Variants in SYT9 observed in about 807,000 individuals in gnomAD.
The protein encoded by SYT9 is synaptotagmin-9.
Under a neutral mutation model 48.4 loss-of-function variants are expected in SYT9, and 22 were observed. The ratio of observed to expected loss-of-function variants is 0.45; its 90% CI spans 0.32 to 0.65. SYT9 has a LOEUF of 0.65. Among genes scored for constraint, SYT9 ranks in the 30% least tolerant of loss-of-function variants. The pLI is 0.03. For synonymous variants in SYT9, 265 were observed against 245.0 expected, an observed-to-expected ratio of 1.08 and a Z score of -0.76; for missense variants, 577 against 622.0, an observed-to-expected ratio of 0.93 and a Z score of 0.77.
chr11:7,407,546 A>G (rs1385111660), intron 3 of SYT9, among the ~76,000 whole-genome samples: 1 of 95,640 alleles, frequency 1.0e-5, no homozygotes, highest in Non-Finnish European at 1.9e-5. Context: ...GCGCCCGGCT[A>G]ATTTTTTGTA....
intron 6 of SYT9, among the ~76,000 whole-genome samples, chr11:7,442,864 T>G (rs889884292): frequency 2.0e-5 from 3 of 150,164 alleles, no homozygotes; most frequent in Admixed American, 2.0e-4. Context: ...AAAAAAAAAG[T>G]ATTTAGGGGC....
intron 3 of SYT9, among the ~76,000 whole-genome samples, chr11:7,340,622 A>G (rs1849696244): frequency 6.6e-6 from 1 of 152,192 alleles, no homozygotes; most frequent in Non-Finnish European, 1.5e-5. Flanking sequence ...ATGGAGAACA[A>G]TCCAGTCACT....
chr11:7,423,597 C>T (rs1847396513), intron 6 of SYT9, among the ~76,000 whole-genome samples: 1 of 152,212 alleles, frequency 6.6e-6, no homozygotes, highest in South Asian at 2.1e-4. Context: ...ATATAATAAA[C>T]ACTCAGTAAA....
intron 3 of SYT9, among the ~76,000 whole-genome samples, chr11:7,412,031 C>A (rs758447333): frequency 7.2e-5 from 11 of 152,046 alleles, no homozygotes; most frequent in Non-Finnish European, 1.3e-4. Flanking sequence ...ATGAATTCTT[C>A]AGTTCCGGAA....
At chr11:7,385,371 C>CGTGT (rs376820147) in intron 3 of SYT9, among the ~76,000 whole-genome samples, 1 of 144,022 alleles carries the variant, frequency 6.9e-6, no homozygotes, top group Non-Finnish European at 1.5e-5. Context: ...TGTGTGTGTG[C>CGTGT]GTGTGTGTCC....
chr11:7,461,069 G>T (rs1228248081), intron 6 of SYT9, among the ~76,000 whole-genome samples: 1 of 152,008 alleles, frequency 6.6e-6, no homozygotes, highest in African/African-American at 2.4e-5. Flanking sequence ...TTGCTGTACT[G>T]TCAGTGGGAG....
intron 1 of SYT9, among the ~76,000 whole-genome samples, chr11:7,301,622 G>A (rs934821821): frequency 2.6e-5 from 4 of 152,170 alleles, no homozygotes; most frequent in East Asian, 1.9e-4. Context: ...AAGACATGGC[G>A]TGCGCCTATC....
At chr11:7,432,625 A>T (rs1847627620) in intron 6 of SYT9, among the ~76,000 whole-genome samples, 1 of 55,098 alleles carries the variant, frequency 1.8e-5, no homozygotes, top group Non-Finnish European at 3.8e-5. Flanking sequence ...ATATATATAT[A>T]TATATATATA....
At chr11:7,262,148 G>A (rs1601803) in intron 1 of SYT9, among the ~76,000 whole-genome samples, 2,088 of 152,222 alleles carry the variant, frequency 0.014, 50 homozygotes, top group African/African-American at 0.048. Flanking sequence ...GCTGGAAGGT[G>A]GAGATGACAA....
chr11:7,446,746 C>A (rs1019474129), intron 6 of SYT9, among the ~76,000 whole-genome samples: 2 of 152,340 alleles, frequency 1.3e-5, no homozygotes, highest in Admixed American at 6.5e-5. Context: ...CCAATACCCT[C>A]ATTTCTCCTT....
chr11:7,297,352 T>C (rs1290394572), intron 1 of SYT9, among the ~76,000 whole-genome samples: 3 of 152,224 alleles, frequency 2.0e-5, no homozygotes. Flanking sequence ...TATCAATTCA[T>C]AGTCAATGTT....
intron 3 of SYT9, among the ~76,000 whole-genome samples, chr11:7,362,909 A>G (rs1289773569): frequency 8.6e-6 from 1 of 115,958 alleles, no homozygotes; most frequent in Admixed American, 8.2e-5. Context: ...AATATGTTAA[A>G]TTTTTGTCTC....
At chr11:7,411,667 A>T (rs1439439014) in intron 3 of SYT9, among the ~76,000 whole-genome samples, 1 of 152,088 alleles carries the variant, frequency 6.6e-6, no homozygotes, top group African/African-American at 2.4e-5. Flanking sequence ...CTTTGACTTT[A>T]AGTAGTTTGA....
intron 1 of SYT9, among the ~76,000 whole-genome samples, chr11:7,301,233 G>T (rs1168334942): frequency 6.6e-6 from 1 of 152,190 alleles, no homozygotes; most frequent in South Asian, 2.1e-4. Context: ...TTCAAACAGA[G>T]ATATAATATT....
chr11:7,418,188 G>A (rs761775495), intron 5 of SYT9, 60 bp downstream of exon 5: 53 of 1,561,210 alleles, frequency 3.4e-5, no homozygotes, highest in Non-Finnish European at 4.2e-5. Flanking sequence ...TGGGAAGGCA[G>A]AGGGGGAGCA....
intron 3 of SYT9, among the ~76,000 whole-genome samples, chr11:7,331,155 G>A (rs548950003): frequency 3.6e-4 from 49 of 137,052 alleles, no homozygotes; most frequent in Admixed American, 6.0e-4. Context: ...AGCAAATTCA[G>A]GTAAATTTGT....
chr11:7,353,445 T>G (rs1405152600), intron 3 of SYT9, among the ~76,000 whole-genome samples: 2 of 152,178 alleles, frequency 1.3e-5, no homozygotes, highest in Non-Finnish European at 2.9e-5. Flanking sequence ...GCGAGACACC[T>G]TCCCATGAAC....
chr11:7,272,682 G>C (rs1848319224), intron 1 of SYT9, among the ~76,000 whole-genome samples: 2 of 152,152 alleles, frequency 1.3e-5, no homozygotes, highest in South Asian at 4.1e-4. Flanking sequence ...TTGAAACTCA[G>C]TGCAATAAGG....
chr11:7,288,043 C>A (rs995273254), intron 1 of SYT9, among the ~76,000 whole-genome samples: 17 of 151,696 alleles, frequency 1.1e-4, no homozygotes, highest in Non-Finnish European at 2.4e-4. Flanking sequence ...TGGCAGATGG[C>A]AGAGATGCTC....
Sources: allele counts gnomAD v4.1 joint callset (sites outside exome capture counted in the v4.1 genomes callset), GRCh38; gene constraint gnomAD v4.1.1; transcripts MANE v1.5; gene names NCBI Gene and HGNC (gene_info 2026-07-23, HGNC 2026-07-21).